Variants in TNRC6B observed in about 807,000 individuals in gnomAD.
TNRC6B encodes trinucleotide repeat-containing gene 6B protein.
In TNRC6B, 52 loss-of-function variants were observed where a neutral mutation model predicts 203.6. The ratio of observed to expected loss-of-function variants is 0.26; its 90% CI spans 0.20 to 0.32. TNRC6B has a LOEUF of 0.32. TNRC6B is among the 10% of genes least tolerant of loss of function. The pLI, the probability that TNRC6B is intolerant of heterozygous loss-of-function variation, is 1.00. For missense variants in TNRC6B, 1,923 were observed against 2,286.2 expected, an observed-to-expected ratio of 0.84 and a Z score of 3.24; for synonymous variants, 838 against 845.7, an observed-to-expected ratio of 0.99 and a Z score of 0.16.
At chr22:40,127,203 TC>T (rs899649352) in intron 3 of TNRC6B, among the ~76,000 whole-genome samples, 6 of 152,276 alleles carry the variant, frequency 3.9e-5, no homozygotes, top group African/African-American at 1.4e-4. Flanking sequence ...CTGTAGCTCT[TC>T]CTGGGAGCTC....
intron 12 of TNRC6B, 136 bp downstream of exon 12, chr22:40,285,906 C>A (rs983948889): frequency 1.7e-6 from 2 of 1,198,028 alleles, no homozygotes; most frequent in Non-Finnish European, 2.3e-6. Context: ...TTTTCTTGAC[C>A]TTTTGGCTAA....
chr22:40,238,945 G>T (rs981200775), intron 1 of TNRC6B, among the ~76,000 whole-genome samples: 2 of 151,738 alleles, frequency 1.3e-5, no homozygotes, highest in Non-Finnish European at 2.9e-5. Flanking sequence ...GCTCACGCCT[G>T]TAATCCTAGC....
At chr22:40,057,210 C>T (rs1463074969) in intron 1 of TNRC6B, among the ~76,000 whole-genome samples, 4 of 151,808 alleles carry the variant, frequency 2.6e-5, no homozygotes, top group African/African-American at 9.7e-5. Flanking sequence ...GTTTATTAAT[C>T]CTCTTGTGAA....
At chr22:40,213,380 C>T (rs139958404) in intron 1 of TNRC6B, among the ~76,000 whole-genome samples, 81 of 152,150 alleles carry the variant, frequency 5.3e-4, no homozygotes, top group African/African-American at 1.8e-3. Context: ...GCAGTGACCC[C>T]GGGAAAAGAG....
intron 1 of TNRC6B, among the ~76,000 whole-genome samples, chr22:40,076,657 CCT>C (rs1261165496): frequency 1.3e-5 from 2 of 152,140 alleles, no homozygotes; most frequent in Non-Finnish European, 2.9e-5. Flanking sequence ...CCCACCTAAG[CCT>C]CTCAAAGTGG....
chr22:40,190,495 T>C (rs1313582421), intron 1 of TNRC6B, among the ~76,000 whole-genome samples: 3 of 152,256 alleles, frequency 2.0e-5, no homozygotes, highest in Non-Finnish European at 4.4e-5. Flanking sequence ...TTCTGTCATA[T>C]TATGTACATT....
chr22:40,248,935 A>G (rs1404629598), intron 2 of TNRC6B, among the ~76,000 whole-genome samples: 2 of 152,222 alleles, frequency 1.3e-5, no homozygotes, highest in African/African-American at 2.4e-5. Context: ...GGAGAGCACA[A>G]AGCTTACCAT....
intron 1 of TNRC6B, among the ~76,000 whole-genome samples, chr22:40,225,085 C>T (rs1339157873): frequency 6.6e-6 from 1 of 152,218 alleles, no homozygotes; most frequent in African/African-American, 2.4e-5. Flanking sequence ...TTTGCCCAAG[C>T]TCCTACCATT....
intron 1 of TNRC6B, among the ~76,000 whole-genome samples, chr22:40,081,716 C>G (rs1224616926): frequency 6.6e-6 from 1 of 152,206 alleles, no homozygotes; most frequent in Non-Finnish European, 1.5e-5. Context: ...GACAGTATCT[C>G]TGAAACGCTT....
chr22:40,110,941 C>T (rs1437266317), intron 1 of TNRC6B, among the ~76,000 whole-genome samples: 1 of 152,288 alleles, frequency 6.6e-6, no homozygotes, highest in East Asian at 1.9e-4. Flanking sequence ...TTGGGAACGT[C>T]CTTTGTGCTG....
intron 3 of TNRC6B, among the ~76,000 whole-genome samples, chr22:40,153,702 G>C (rs1052165419): frequency 1.3e-5 from 2 of 151,820 alleles, no homozygotes; most frequent in Non-Finnish European, 2.9e-5. Flanking sequence ...ACTGAATATT[G>C]AGTTGAACAA....
Position 40,298,590 on chromosome 22 carries a change from T to C in TNRC6B, c.3709-1865T>C, listed in dbSNP as rs150902302. 4.7e-3 allele frequency among the ~76,000 whole-genome samples: 711 copies of C among 152,370 alleles called. 5 individuals are homozygous for C. The highest frequency in any genetic ancestry group is 0.017 in the Middle Eastern group (5 of 294). On this transcript the variant is annotated intron_variant, in intron 12 of 22. Transcript: ENST00000454349. ...AAAATCTAATAATGACTGAAGTTAA[T>C]ATTGTTGTCATTCCAGTTGGAGATC...
At chr22:40,307,277 A>T (rs2071098890) in intron 15 of TNRC6B, among the ~76,000 whole-genome samples, 1 of 151,986 alleles carries the variant, frequency 6.6e-6, no homozygotes. Context: ...AAAATTGAGG[A>T]CCCTTTATGG....
chr22:40,173,986 T>A (rs1413733167), upstream of TNRC6B, among the ~76,000 whole-genome samples: 1 of 146,540 alleles, frequency 6.8e-6, no homozygotes, highest in Non-Finnish European at 1.5e-5. Context: ...GTATTTTGAG[T>A]TGGGTTTTCA....
chr22:40,315,354 A>G lies in TNRC6B; in HGVS notation c.4750A>G (p.Lys1584Glu). The part of the protein sequence containing the change: ...IGHNPTHLSN[K>E]MWKNHISSRN... ...ACACAACCCCACTCATCTCTCCAAC[A>G]AGATGTGGAAAAACCATATTTCCTC... Residue 1584 changes from lysine to glutamate, a missense_variant, in exon 20 of 23, where the codon AAG (lysine) becomes GAG (glutamate). Coordinates refer to ENST00000454349, the MANE Select transcript of TNRC6B (RefSeq NM_001162501.2). 6.2e-7 allele frequency: 1 copy of G among 1,613,962 alleles called. No homozygotes were observed. Among genetic ancestry groups the G allele is most frequent in the Non-Finnish European group, 8.5e-7 (1 of 1,179,862 alleles).
chr22:40,071,256 A>T (rs569134559), intron 1 of TNRC6B, among the ~76,000 whole-genome samples: 1 of 152,224 alleles, frequency 6.6e-6, no homozygotes, highest in Admixed American at 6.5e-5. Context: ...CCTCCACTAG[A>T]TACTTCCTAC....
chr22:40,265,341 G>A lies in TNRC6B; in HGVS notation c.1111G>A (p.Asp371Asn). The change falls in exon 5 of 23, where the codon GAT (aspartate) becomes AAT (asparagine). Residue 371 changes from aspartate (D) to asparagine (N), a missense_variant. Around this residue, in one of 8 missense-constraint regions of TNRC6B, gnomAD observed 614 missense variants for 587.7 expected, o/e 1.04. Transcript: ENST00000454349. ...GREQAQIHNT[D>N]GPKNGNTNSL... Reference sequence around the variant, plus strand: ...AGAACAGGCTCAAATTCATAACACTGATGGACCAAAAAATGGAAACACTAA... The same window carrying A: ...AGAACAGGCTCAAATTCATAACACTAATGGACCAAAAAATGGAAACACTAA... 1 of 1,613,966 alleles carries A rather than the reference G, an allele frequency of 6.2e-7. No homozygotes were observed. The highest frequency in any genetic ancestry group is 8.5e-7 in the Non-Finnish European group (1 of 1,179,874).
At chr22:40,049,305 T>A (rs970789501) in intron 1 of TNRC6B, among the ~76,000 whole-genome samples, 1 of 151,802 alleles carries the variant, frequency 6.6e-6, no homozygotes, top group Non-Finnish European at 1.5e-5. Context: ...AGGACACGGA[T>A]GAGCCACCGT....
chr22:40,223,032 C>T (rs2069735978), intron 1 of TNRC6B, among the ~76,000 whole-genome samples: 1 of 152,026 alleles, frequency 6.6e-6, no homozygotes, highest in East Asian at 1.9e-4. Flanking sequence ...TAGGCATGAG[C>T]CACCACACCC....
Sources: allele counts gnomAD v4.1 joint callset (sites outside exome capture counted in the v4.1 genomes callset), GRCh38; gene constraint gnomAD v4.1.1; regional missense constraint gnomAD v4.1.1; transcripts MANE v1.5; gene names NCBI Gene and HGNC (gene_info 2026-07-23, HGNC 2026-07-21).